Variants in PRKAR1A observed in about 807,000 individuals in gnomAD.
PRKAR1A encodes protein kinase cAMP-dependent type I regulatory subunit alpha.
A neutral mutation model predicts 52.0 loss-of-function variants in PRKAR1A; 3 were observed. The ratio of observed to expected loss-of-function variants is 0.06; its 90% CI spans 0.03 to 0.15. The LOEUF is 0.15. Ranked by LOEUF, PRKAR1A falls within the 10% of genes least tolerant of loss-of-function variation. PRKAR1A has a pLI of 1.00. For synonymous variants in PRKAR1A, 188 were observed against 168.4 expected (o/e 1.12, Z -0.90); for missense variants, 240 against 477.4 (o/e 0.50, Z 4.63).
chr17:68,431,079 C>T, the PRKAR1A span, among the ~76,000 whole-genome samples: 2 of 152,168 alleles, frequency 1.3e-5, no homozygotes, highest in East Asian at 3.8e-4. Flanking sequence ...ACTGTCTGTC[C>T]CACAGCCCTG....
chr17:68,539,338 T>C, intron 11 of PRKAR1A: 1 of 1,614,220 alleles, frequency 6.2e-7, no homozygotes, highest in South Asian at 1.1e-5. Flanking sequence ...AAAACTTACA[T>C]GCAGCACTGG....
intron 11 of PRKAR1A, chr17:68,543,609 T>G: frequency 6.2e-7 from 1 of 1,611,998 alleles, no homozygotes; most frequent in Non-Finnish European, 8.5e-7. Context: ...CAATGCCATC[T>G]CCATGGGGCC....
At chr17:68,478,094 A>C in the PRKAR1A span, among the ~76,000 whole-genome samples, 2 of 152,220 alleles carry the variant, frequency 1.3e-5, no homozygotes, top group Non-Finnish European at 1.5e-5. Flanking sequence ...TTAATGCCCC[A>C]AAATATCTAT....
chr17:68,466,182 C>G, the PRKAR1A span, among the ~76,000 whole-genome samples: 1 of 152,254 alleles, frequency 6.6e-6, no homozygotes, highest in African/African-American at 2.4e-5. Flanking sequence ...CCCTCCAAAG[C>G]CTTTCCTATT....
the PRKAR1A span, chr17:68,436,298 C>T: frequency 1.6e-5 from 20 of 1,273,538 alleles, no homozygotes; most frequent in Middle Eastern, 4.0e-4. Context: ...CAGCCCCCGA[C>T]GGCAGGGCGT....
the PRKAR1A span, among the ~76,000 whole-genome samples, chr17:68,452,659 A>G: frequency 1.3e-5 from 2 of 152,262 alleles, no homozygotes; most frequent in Admixed American, 6.5e-5. Flanking sequence ...AAAAGTCTCA[A>G]TAATATGATT....
At chr17:68,458,936 A>ATG in the PRKAR1A span, among the ~76,000 whole-genome samples, 1 of 152,006 alleles carries the variant, frequency 6.6e-6, no homozygotes, top group East Asian at 1.9e-4. Context: ...ACTTTTATGT[A>ATG]TGTGTATATA....
At chr17:68,513,819 C>A (rs938947460) in intron 1 of PRKAR1A, among the ~76,000 whole-genome samples, 7 of 152,220 alleles carry the variant, frequency 4.6e-5, no homozygotes, top group African/African-American at 1.7e-4. Flanking sequence ...CACAGTTTCA[C>A]TCCTTAGGCC....
chr17:68,462,077 A>T, the PRKAR1A span, among the ~76,000 whole-genome samples: 1 of 152,198 alleles, frequency 6.6e-6, no homozygotes, highest in Non-Finnish European at 1.5e-5. Context: ...GGGAGCAAAA[A>T]CTAACAACAC....
chr17:68,430,193 G>A, the PRKAR1A span: 4 of 1,585,154 alleles, frequency 2.5e-6, no homozygotes, highest in African/African-American at 1.4e-5. Context: ...CGATGGGACT[G>A]GGCTGCAGGC....
Position 68,524,936 on chromosome 17 carries a change from T to C in PRKAR1A, c.527T>C (p.Val176Ala). 6.2e-7 allele frequency: 1 copy of C among 1,610,242 alleles called. No homozygotes were observed. The highest frequency in any genetic ancestry group is 1.1e-5 in the South Asian group (1 of 91,006). Reference protein sequence around the residue: ...QQGDEGDNFYVIDQGETDVYV... With the variant: ...QQGDEGDNFYAIDQGETDVYV... The stretch of plus-strand genomic sequence containing the variant: ...GGTGATGAAGGGGATAACTTCTATG[T>C]GATTGATCAAGGAGAGACGGATGTA... Residue 176 changes from valine to alanine, a missense_variant, in exon 6 of 11, where the codon GTG (valine) becomes GCG (alanine). Physicochemically the swap from Val to Ala is moderately conservative, Grantham distance 64. Transcript: ENST00000589228.
At chr17:68,457,973 G>A in the PRKAR1A span, among the ~76,000 whole-genome samples, 2 of 152,110 alleles carry the variant, frequency 1.3e-5, no homozygotes, top group Admixed American at 6.5e-5. Flanking sequence ...AGGGTGACAG[G>A]AGGACGCGCT....
chr17:68,479,703 AC>A, the PRKAR1A span, among the ~76,000 whole-genome samples: 1 of 152,150 alleles, frequency 6.6e-6, no homozygotes, highest in Admixed American at 6.6e-5. Flanking sequence ...TAACTAGTCT[AC>A]TGAGATTTTA....
the PRKAR1A span, among the ~76,000 whole-genome samples, chr17:68,471,810 T>C: frequency 2.0e-5 from 3 of 148,514 alleles, no homozygotes; most frequent in Admixed American, 6.7e-5. Flanking sequence ...GTTTCTTTTC[T>C]TTTTTTTTTA....
the PRKAR1A span, among the ~76,000 whole-genome samples, chr17:68,471,640 G>T: frequency 2.0e-5 from 3 of 152,114 alleles, no homozygotes; most frequent in Admixed American, 6.5e-5. Context: ...TACTGGGAGA[G>T]GGGGGAGGTC....
At chr17:68,535,227 A>T (rs558475152), downstream of PRKAR1A, 1 of 448,628 alleles carries the variant, frequency 2.2e-6, no homozygotes, top group Admixed American at 2.4e-5. Flanking sequence ...TTGAGAAATG[A>T]GTCTTAATTT....
chr17:68,457,243 C>A, the PRKAR1A span: 1 of 1,415,924 alleles, frequency 7.1e-7, no homozygotes, highest in South Asian at 1.3e-5. Flanking sequence ...CCGCCGAGGC[C>A]GCCTCGAGGC....
At chr17:68,469,405 T>C in the PRKAR1A span, among the ~76,000 whole-genome samples, 3 of 152,162 alleles carry the variant, frequency 2.0e-5, no homozygotes, top group Non-Finnish European at 4.4e-5. Context: ...TGAAATTATC[T>C]TGTTGATTTC....
intron 11 of PRKAR1A, among the ~76,000 whole-genome samples, chr17:68,547,774 T>G (rs1471987727): frequency 6.6e-6 from 1 of 152,240 alleles, no homozygotes; most frequent in African/African-American, 2.4e-5. Flanking sequence ...TGAGGCTGTT[T>G]TGCTTTCTTA....
Sources: gnomAD v4.1 joint callset for allele counts (sites outside exome capture counted in the v4.1 genomes callset) on GRCh38, gnomAD v4.1.1 for gene constraint, MANE v1.5 for transcripts, NCBI Gene and HGNC (gene_info 2026-07-23, HGNC 2026-07-21) for gene names.